The following SH3RF2 variants were observed in gnomAD, a reference collection of about 807,000 sequenced individuals.
SH3RF2 encodes E3 ubiquitin-protein ligase SH3RF2.
A neutral mutation model predicts 59.0 loss-of-function variants in SH3RF2; 43 were observed. The ratio of observed to expected loss-of-function variants is 0.73; its 90% CI spans 0.57 to 0.94. SH3RF2 has a LOEUF of 0.94. Among genes scored for constraint, SH3RF2 ranks in the 40% least tolerant of loss-of-function variants. SH3RF2 has a pLI of 0.00. For synonymous variants in SH3RF2, 391 were observed against 391.5 expected, an observed-to-expected ratio of 1.00 and a Z score of 0.01; for missense variants, 930 against 940.1, an observed-to-expected ratio of 0.99 and a Z score of 0.14.
At chr5:146,031,915 A>T (rs137945944) in intron 5 of SH3RF2, among the ~76,000 whole-genome samples, 213 of 152,128 alleles carry the variant, frequency 1.4e-3, no homozygotes, top group African/African-American at 4.7e-3. Flanking sequence ...TATAAGACCC[A>T]CCCCAAAGCT....
chr5:145,961,392 T>C (rs1758626257), intron 2 of SH3RF2, among the ~76,000 whole-genome samples: 1 of 152,136 alleles, frequency 6.6e-6, no homozygotes, highest in African/African-American at 2.4e-5. Flanking sequence ...CTTTCTGTCC[T>C]GAGGGAAGGG....
At chr5:146,060,348 C>T in intron 9 of SH3RF2, 124 bp downstream of exon 9, 3 of 851,878 alleles carry the variant, frequency 3.5e-6, no homozygotes, top group Non-Finnish European at 5.3e-6. Context: ...AGAATCCTCA[C>T]ACATAACACT....
chr5:146,034,422 T>G (rs1300260625), intron 5 of SH3RF2, among the ~76,000 whole-genome samples: 1 of 152,072 alleles, frequency 6.6e-6, no homozygotes, highest in East Asian at 1.9e-4. Context: ...TAAATCTCAT[T>G]TGAGACCATG....
chr5:146,002,476 GGAAGGAAGGA>G, intron 3 of SH3RF2, among the ~76,000 whole-genome samples: 1 of 70,276 alleles, frequency 1.4e-5, no homozygotes, highest in South Asian at 6.6e-4. Context: ...AGAAAAGGAA[GGAAGGAAGGA>G]AGGAAGGAAG....
At chr5:146,074,851 C>G (rs1324613349) in intron 9 of SH3RF2, among the ~76,000 whole-genome samples, 2 of 151,992 alleles carry the variant, frequency 1.3e-5, no homozygotes, top group East Asian at 3.9e-4. Context: ...CATTTCAAAG[C>G]CCAGGCTATA....
chr5:145,975,764 A>G (rs946550648), intron 2 of SH3RF2, among the ~76,000 whole-genome samples: 6 of 152,226 alleles, frequency 3.9e-5, no homozygotes, highest in Non-Finnish European at 7.3e-5. Context: ...ATGTTGAATC[A>G]TTCCCCTACT....
intron 2 of SH3RF2, among the ~76,000 whole-genome samples, chr5:145,966,641 G>C (rs1758867615): frequency 6.6e-6 from 1 of 152,168 alleles, no homozygotes; most frequent in Non-Finnish European, 1.5e-5. Flanking sequence ...ACAAGAGAAA[G>C]ACCTCTTTGT....
intron 9 of SH3RF2, among the ~76,000 whole-genome samples, chr5:146,071,031 A>G (rs1262642376): frequency 6.6e-6 from 1 of 152,222 alleles, no homozygotes; most frequent in Non-Finnish European, 1.5e-5. Context: ...TAGGTCACAC[A>G]TGTCCTGGAG....
rs115325777 is a variant in SH3RF2, at chr5:146,051,061, C to T, written c.1322+1816C>T. 2.9e-3 allele frequency among the ~76,000 whole-genome samples: 441 copies of T among 152,272 alleles called. 2 individuals are homozygous for T. The highest frequency in any genetic ancestry group is 4.9e-3 in the Non-Finnish European group (334 of 68,014). On this transcript the variant is annotated intron_variant, in intron 7 of 9. Coordinates refer to ENST00000359120, the MANE Select transcript of SH3RF2 (RefSeq NM_152550.4). ...ACCAGCCTGGCCAACATGGTGAAAC[C>T]TCATCTCTACTAAAAATACAAAAAG... is the stretch of plus-strand genomic sequence containing the variant.
chr5:146,020,254 C>T (rs1466862985), intron 5 of SH3RF2, among the ~76,000 whole-genome samples: 1 of 152,170 alleles, frequency 6.6e-6, no homozygotes, highest in Non-Finnish European at 1.5e-5. Flanking sequence ...CATGATCTGG[C>T]TACAGTTCAC....
At position 146,062,456 on chromosome 5, in the gene SH3RF2, A is replaced by G. The variant is rs1424987746; in HGVS notation, c.1945A>G (p.Ser649Gly). Residue 649 changes from serine (S) to glycine (G), a missense_variant, in exon 10 of 10, where the codon AGC becomes GGC. Physicochemically the swap from Ser to Gly is moderately conservative, Grantham distance 56. Coordinates refer to ENST00000359120, the MANE Select transcript of SH3RF2 (RefSeq NM_152550.4). ...CAAAACCGTGAGATTTCAGAATTAC[A>G]GCCCTCCTCCCACCAAACATTACAC... ...QVKTVRFQNY[S>G]PPPTKHYTSH... 1 of 1,614,076 alleles carries G rather than the reference A, an allele frequency of 6.2e-7. No individual in the cohort carries two copies. The highest frequency in any genetic ancestry group is 8.5e-7 in the Non-Finnish European group (1 of 1,180,010).
At chr5:145,974,661 G>C (rs766557155) in intron 2 of SH3RF2, among the ~76,000 whole-genome samples, 2 of 152,168 alleles carry the variant, frequency 1.3e-5, no homozygotes, top group African/African-American at 2.4e-5. Context: ...CTAGAATTCA[G>C]AGACGTGAAG....
Position 146,060,081 on chromosome 5 carries a change from G to A in SH3RF2, c.1771G>A (p.Ala591Thr). The A allele has an allele frequency of 1.2e-6, 2 of 1,614,032 alleles. No homozygotes were observed. The highest frequency in any genetic ancestry group is 1.7e-6 in the Non-Finnish European group (2 of 1,179,964). Residue 591 changes from alanine (A) to threonine (T), a missense_variant, in exon 9 of 10, where the codon GCC becomes ACC. Coordinates refer to ENST00000359120, the MANE Select transcript of SH3RF2 (RefSeq NM_152550.4). ...CACGTGCATCAGCAGGGGCAGTGAG[G>A]CCTGGATCCACTCCGCGGCCAGCTC... ...ALTCISRGSEAWIHSAASSLI... is the reference protein window; with the variant it reads ...ALTCISRGSETWIHSAASSLI...
At chr5:146,054,702 CT>C (rs1193970963) in intron 7 of SH3RF2, among the ~76,000 whole-genome samples, 1 of 152,328 alleles carries the variant, frequency 6.6e-6, no homozygotes, top group East Asian at 1.9e-4. Flanking sequence ...CAATGCCTTA[CT>C]TATCTTCGTA....
At chr5:145,960,811 A>G (rs1182672164) in intron 2 of SH3RF2, among the ~76,000 whole-genome samples, 1 of 152,222 alleles carries the variant, frequency 6.6e-6, no homozygotes, top group African/African-American at 2.4e-5. Flanking sequence ...AACAGGATGT[A>G]AAATTGCTAT....
At chr5:145,984,269 A>G (rs1334283524) in intron 2 of SH3RF2, among the ~76,000 whole-genome samples, 1 of 152,208 alleles carries the variant, frequency 6.6e-6, no homozygotes, top group African/African-American at 2.4e-5. Context: ...TGGTGTGCAG[A>G]CAGACAAGTA....
intron 5 of SH3RF2, among the ~76,000 whole-genome samples, chr5:146,034,294 T>C (rs1761849537): frequency 6.6e-6 from 1 of 152,138 alleles, no homozygotes; most frequent in South Asian, 2.1e-4. Context: ...GCTCATGCAG[T>C]GATGGGAGAG....
At chr5:146,009,483 A>G (rs1056403069) in intron 4 of SH3RF2, among the ~76,000 whole-genome samples, 4 of 152,040 alleles carry the variant, frequency 2.6e-5, no homozygotes, top group African/African-American at 9.7e-5. Flanking sequence ...TTCTGGGCAT[A>G]TTCTTACCTC....
At chr5:146,040,537 C>T (rs1308054178) in intron 5 of SH3RF2, among the ~76,000 whole-genome samples, 1 of 152,016 alleles carries the variant, frequency 6.6e-6, no homozygotes, top group Admixed American at 6.6e-5. Flanking sequence ...TGGAGCAGAT[C>T]ACAGAGGATC....
Sources: gnomAD v4.1 joint callset for allele counts (sites outside exome capture counted in the v4.1 genomes callset) on GRCh38, gnomAD v4.1.1 for gene constraint, MANE v1.5 for transcripts, NCBI Gene and HGNC (gene_info 2026-07-23, HGNC 2026-07-21) for gene names.